GALNT17: variants seen among roughly 807,000 people sequenced by gnomAD.
GALNT17 encodes the protein UDP-GalNAc:polypeptide N-acetylgalactosaminyltransferase-like 3.
A neutral mutation model predicts 63.7 loss-of-function variants in GALNT17; 29 were observed. The ratio of observed to expected loss-of-function variants is 0.46; its 90% CI spans 0.34 to 0.62. The LOEUF (loss-of-function observed/expected upper bound fraction) is 0.62. GALNT17 is among the 20% of genes least tolerant of loss of function. GALNT17 has a pLI of 0.01. For synonymous variants in GALNT17, 305 were observed against 318.3 expected (o/e 0.96, Z 0.45); for missense variants, 603 against 799.6 (o/e 0.75, Z 2.97).
At chr7:71,638,846 C>T (rs141904312) in intron 6 of GALNT17, among the ~76,000 whole-genome samples, 20 of 152,176 alleles carry the variant, frequency 1.3e-4, no homozygotes, top group African/African-American at 4.6e-4. Flanking sequence ...AGGCAAACAT[C>T]GCATGGTCTC....
rs1787498653 is a variant in GALNT17, at chr7:71,464,186, A to G, written c.962+43081A>G. 3.3e-5 allele frequency among the ~76,000 whole-genome samples: 5 copies of G among 152,192 alleles called. No homozygotes were observed. The South Asian group carries it at 1.0e-3, about 31-fold the overall frequency. On this transcript the variant is annotated intron_variant, in intron 5 of 10. Coordinates refer to ENST00000333538, the MANE Select transcript of GALNT17 (RefSeq NM_022479.3). The stretch of plus-strand genomic sequence containing the variant: ...ACATTAAGCGTGGGGGATTCTTGTT[A>G]AATGGACCTAACAGGATTCTTGCTA...
intron 5 of GALNT17, among the ~76,000 whole-genome samples, chr7:71,490,112 A>G (rs965600657): frequency 2.0e-5 from 3 of 152,068 alleles, no homozygotes; most frequent in African/African-American, 4.8e-5. Flanking sequence ...AAAAAAATTT[A>G]GCTGGGCGTG....
intron 5 of GALNT17, among the ~76,000 whole-genome samples, chr7:71,563,262 C>A (rs1167674710): frequency 6.6e-6 from 1 of 152,242 alleles, no homozygotes; most frequent in African/African-American, 2.4e-5. Context: ...TGGAGACTCA[C>A]GTTCTCTGAT....
chr7:71,240,734 G>A (rs544353685), intron 1 of GALNT17, among the ~76,000 whole-genome samples: 63 of 150,398 alleles, frequency 4.2e-4, no homozygotes, highest in African/African-American at 1.5e-3. Flanking sequence ...GTGCGATCTC[G>A]GCTCACTGCA....
chr7:71,550,384 T>G (rs886339804), intron 5 of GALNT17, among the ~76,000 whole-genome samples: 5 of 130,052 alleles, frequency 3.8e-5, no homozygotes, highest in African/African-American at 7.7e-5. Flanking sequence ...TTGTGTGTGT[T>G]TTTTTTGTTC....
chr7:71,693,224 A>G (rs1791483308), intron 9 of GALNT17, among the ~76,000 whole-genome samples: 1 of 147,770 alleles, frequency 6.8e-6, no homozygotes, highest in Non-Finnish European at 1.5e-5. Context: ...TCTACAATAC[A>G]TGTATACATA....
intron 5 of GALNT17, among the ~76,000 whole-genome samples, chr7:71,479,700 G>A (rs543103896): frequency 6.6e-6 from 1 of 152,190 alleles, no homozygotes; most frequent in African/African-American, 2.4e-5. Context: ...ATGGCATCAA[G>A]CTCCTTCCTC....
chr7:71,394,215 G>C (rs977256379), intron 3 of GALNT17, among the ~76,000 whole-genome samples: 3 of 152,164 alleles, frequency 2.0e-5, no homozygotes, highest in Non-Finnish European at 4.4e-5. Context: ...GAGGTCACAT[G>C]ATGAGTGGAG....
At chr7:71,264,575 CT>C (rs1228844596) in intron 1 of GALNT17, among the ~76,000 whole-genome samples, 1 of 152,088 alleles carries the variant, frequency 6.6e-6, no homozygotes, top group Non-Finnish European at 1.5e-5. Context: ...TAGAATCAAA[CT>C]AAGTGTCCAG....
chr7:71,707,199 G>C (rs1190057914), intron 9 of GALNT17, among the ~76,000 whole-genome samples: 6 of 152,046 alleles, frequency 3.9e-5, no homozygotes, highest in Non-Finnish European at 7.4e-5. Context: ...TGTAGATGTG[G>C]CTGCCTTTTC....
chr7:71,701,755 A>G (rs59722922), intron 9 of GALNT17, among the ~76,000 whole-genome samples: 1 of 24,314 alleles, frequency 4.1e-5, no homozygotes, highest in African/African-American at 9.7e-5. Context: ...ATATATATGT[A>G]TATATATGTG....
At chr7:71,638,189 G>A (rs180745330) in intron 6 of GALNT17, among the ~76,000 whole-genome samples, 23 of 152,296 alleles carry the variant, frequency 1.5e-4, no homozygotes, top group African/African-American at 5.5e-4. Context: ...TTAGCATATA[G>A]TGAGCCTTGA....
intron 6 of GALNT17, among the ~76,000 whole-genome samples, chr7:71,603,525 C>G (rs1461513713): frequency 3.9e-5 from 6 of 152,070 alleles, no homozygotes; most frequent in Non-Finnish European, 2.9e-5. Flanking sequence ...ATGCTGAGTG[C>G]ATATGCTGGA....
intron 5 of GALNT17, among the ~76,000 whole-genome samples, chr7:71,481,896 C>T (rs78146280): frequency 2.6e-5 from 4 of 152,060 alleles, no homozygotes; most frequent in African/African-American, 9.7e-5. Flanking sequence ...CCGTCATTTC[C>T]CCTTCCTGGC....
At chr7:71,544,138 T>TG in intron 5 of GALNT17, among the ~76,000 whole-genome samples, 1 of 148,216 alleles carries the variant, frequency 6.7e-6, no homozygotes, top group South Asian at 2.2e-4. Context: ...TTTTTTTTTT[T>TG]TTTTTTTTTG....
At chr7:71,169,719 C>A (rs1294948172) in intron 1 of GALNT17, among the ~76,000 whole-genome samples, 1 of 152,038 alleles carries the variant, frequency 6.6e-6, no homozygotes, top group African/African-American at 2.4e-5. Flanking sequence ...TCACGCCTGG[C>A]TAATTTTGCT....
chr7:71,608,033 CAG>C (rs1465547301), intron 6 of GALNT17, among the ~76,000 whole-genome samples: 1 of 152,164 alleles, frequency 6.6e-6, no homozygotes, highest in African/African-American at 2.4e-5. Context: ...GGTGGTGACT[CAG>C]GGATCCAATC....
At chr7:71,595,780 C>T (rs1789876796) in intron 6 of GALNT17, among the ~76,000 whole-genome samples, 1 of 152,002 alleles carries the variant, frequency 6.6e-6, no homozygotes. Context: ...AAGACAACTA[C>T]AGATATTCTC....
At chr7:71,156,467 G>T (rs1187410982) in intron 1 of GALNT17, among the ~76,000 whole-genome samples, 1 of 151,774 alleles carries the variant, frequency 6.6e-6, no homozygotes, top group African/African-American at 2.4e-5. Flanking sequence ...CATTGAGATG[G>T]TTGATGCCCT....
Sources: allele counts gnomAD v4.1 joint callset (sites outside exome capture counted in the v4.1 genomes callset), GRCh38; gene constraint gnomAD v4.1.1; transcripts MANE v1.5; gene names NCBI Gene and HGNC (gene_info 2026-07-23, HGNC 2026-07-21).